The following SCYL2 variants were observed in gnomAD, a reference collection of about 807,000 sequenced individuals.
The protein encoded by SCYL2 is SCY1 like pseudokinase 2.
SCYL2 carries 36 observed loss-of-function variants against 100.4 expected under a neutral mutation model. The ratio of observed to expected loss-of-function variants is 0.36; its 90% CI spans 0.27 to 0.47. The LOEUF is 0.47. Ranked by LOEUF, SCYL2 falls within the 20% of genes least tolerant of loss-of-function variation. SCYL2 has a pLI of 1.00. For missense variants in SCYL2, 902 were observed against 1,083.9 expected (o/e 0.83, Z 2.36); for synonymous variants, 330 against 359.2 (o/e 0.92, Z 0.92).
At chr12:100,295,291 G>T (rs1254959736) in intron 3 of SCYL2, among the ~76,000 whole-genome samples, 2 of 152,014 alleles carry the variant, frequency 1.3e-5, no homozygotes, top group Non-Finnish European at 2.9e-5. Flanking sequence ...CTTCCCAGAC[G>T]GGGTGGCGGC....
rs771047904 is a variant in SCYL2 at position 100,312,580 on chromosome 12, T to A, written c.779T>A (p.Phe260Tyr). 1.2e-6 allele frequency: 2 copies of A among 1,612,998 alleles called. No individual in the cohort carries two copies. The highest frequency in any genetic ancestry group is 2.2e-5 in the South Asian group (2 of 91,020). ...YSLGTVMYAV[F>Y]NKGKPIFEVN... The stretch of plus-strand genomic sequence containing the variant: ...TTAGGAACTGTTATGTATGCTGTAT[T>A]TAATAAAGGGAAACCTATATTTGAA... The change falls in exon 6 of 18, where the codon TTT becomes TAT. Residue 260 changes from phenylalanine to tyrosine, a missense_variant. By Grantham distance (22) the Phe-to-Tyr change is conservative. Coordinates refer to ENST00000360820, the MANE Select transcript of SCYL2 (RefSeq NM_017988.6).
intron 2 of SCYL2, among the ~76,000 whole-genome samples, chr12:100,289,956 A>T (rs1408371798): frequency 6.6e-6 from 1 of 152,180 alleles, no homozygotes; most frequent in Non-Finnish European, 1.5e-5. Context: ...CATTGATCAT[A>T]TGTATGTGTC....
intron 8 of SCYL2, among the ~76,000 whole-genome samples, chr12:100,315,085 A>T (rs2096346818): frequency 6.6e-6 from 1 of 152,240 alleles, no homozygotes; most frequent in Admixed American, 6.5e-5. Flanking sequence ...TCTATCAGAT[A>T]TTCGTTAGTT....
intron 17 of SCYL2, among the ~76,000 whole-genome samples, 162 bp from the exon 18 acceptor site, chr12:100,338,366 G>T (rs1302452765): frequency 6.6e-6 from 1 of 152,104 alleles, no homozygotes; most frequent in Non-Finnish European, 1.5e-5. Context: ...ATAAAAATAG[G>T]TGGCAGGCTG....
intron 8 of SCYL2, 141 bp from the exon 9 acceptor site, chr12:100,315,417 C>T: frequency 1.6e-6 from 1 of 630,252 alleles, no homozygotes. Context: ...CCACTTTACT[C>T]TGAAAATATA....
rs1351313062 is a variant in SCYL2, at chr12:100,340,123, C to T, written c.*951C>T. Reference sequence around the variant, plus strand: ...GCTGTATTGTTTCAAATGTAATAAACTTTACTTCTGTAAAAATTGAGCAGT... The same window carrying T: ...GCTGTATTGTTTCAAATGTAATAAATTTTACTTCTGTAAAAATTGAGCAGT... On this transcript the variant is annotated 3_prime_UTR_variant, in exon 18 of 18. Transcript: ENST00000360820. 6.6e-6 allele frequency: 1 copy of T among 152,534 alleles called. No homozygotes were observed. The highest frequency in any genetic ancestry group is 1.9e-4 in the East Asian group (1 of 5,194). 9.4% of individuals were successfully genotyped at this position (152,534 alleles called of 1,614,324 possible).
intron 16 of SCYL2, among the ~76,000 whole-genome samples, chr12:100,336,372 C>T (rs1267267324): frequency 2.6e-5 from 4 of 152,166 alleles, no homozygotes; most frequent in African/African-American, 9.6e-5. Flanking sequence ...TTGAGCCTAG[C>T]AACCTCATCT....
intron 16 of SCYL2, among the ~76,000 whole-genome samples, chr12:100,336,883 T>G (rs533737375): frequency 2.6e-5 from 4 of 152,300 alleles, no homozygotes; most frequent in African/African-American, 9.6e-5. Flanking sequence ...AAGGGACTAC[T>G]GGACATAGTA....
chr12:100,286,036 TTAGG>T (rs1183956184), intron 2 of SCYL2, among the ~76,000 whole-genome samples: 1 of 152,160 alleles, frequency 6.6e-6, no homozygotes, highest in African/African-American at 2.4e-5. Context: ...CTGTTATCTG[TTAGG>T]TAGGAATATT....
Position 100,312,672 on chromosome 12 carries a change from T to C in SCYL2, c.852+19T>C. 6.4e-7 allele frequency: 1 copy of C among 1,555,648 alleles called. No individual in the cohort carries two copies. The highest frequency in any genetic ancestry group is 8.7e-7 in the Non-Finnish European group (1 of 1,143,680). On this transcript the variant is annotated intron_variant, in intron 6 of 17. Transcript: ENST00000360820. ...GGATCAGGTATTTGCCTATAAATAATTTGCTTGCATTAAAAAATTTATTAA... is the reference window on the plus strand; with the variant it reads ...GGATCAGGTATTTGCCTATAAATAACTTGCTTGCATTAAAAAATTTATTAA...
chr12:100,335,515 G>A (rs1390191022), intron 14 of SCYL2, 110 bp from the exon 15 acceptor site: 1 of 726,838 alleles, frequency 1.4e-6, no homozygotes, highest in Non-Finnish European at 2.3e-6. Context: ...TCTTCTTAAA[G>A]AGTTTAATTG....
intron 17 of SCYL2, 67 bp from the exon 18 acceptor site, chr12:100,338,460 CA>C: frequency 2.3e-6 from 3 of 1,294,030 alleles, no homozygotes; most frequent in Middle Eastern, 2.5e-4. Context: ...TTTAATCTGT[CA>C]AATGTTTACT....
intron 4 of SCYL2, among the ~76,000 whole-genome samples, chr12:100,305,887 A>C (rs2096333801): frequency 6.6e-6 from 1 of 152,194 alleles, no homozygotes; most frequent in African/African-American, 2.4e-5. Flanking sequence ...CTTCTATGCA[A>C]ATAAACTCGA....
chr12:100,270,847 T>G (rs778758113), intron 1 of SCYL2, among the ~76,000 whole-genome samples: 1 of 152,074 alleles, frequency 6.6e-6, no homozygotes, highest in Non-Finnish European at 1.5e-5. Context: ...CTGAATGTTT[T>G]ACTTCTTGTT....
At chr12:100,307,282 A>C (rs1293058954) in intron 4 of SCYL2, among the ~76,000 whole-genome samples, 1 of 152,114 alleles carries the variant, frequency 6.6e-6, no homozygotes, top group South Asian at 2.1e-4. Context: ...CATGGTACTG[A>C]TACCAAAACA....
rs2096358721 is a variant in SCYL2, at chr12:100,323,646, A to T, written c.1509+8A>T. ...CAAACATCTTCCCTTGCGGTAAGTA[A>T]TTGCATATTAATTTTTGTTTTTCTT... On this transcript the variant is annotated splice_region_variant and intron_variant, in intron 11 of 17. Transcript: ENST00000360820. 6.9e-7 allele frequency: 1 copy of T among 1,444,620 alleles called. No homozygotes were observed. Among genetic ancestry groups the T allele is most frequent in the Non-Finnish European group, 9.6e-7 (1 of 1,045,664 alleles). The allele number at this position is 1,444,620 out of a possible 1,614,324, so 89.5% of individuals were successfully genotyped here. A position where few individuals can be genotyped will look rare whatever the true frequency, so the allele number is the denominator to read the frequency against.
rs1387221109 is a variant in SCYL2, at chr12:100,298,112, T to C, written c.417T>C (p.Pro139=). Reference sequence around the variant, plus strand: ...GTAACTGGGAAAATCTACCTTCCCCTATATCTCCAGACATTAAGGATTATA... The same window carrying C: ...GTAACTGGGAAAATCTACCTTCCCCCATATCTCCAGACATTAAGGATTATA... The part of the protein sequence containing the change: ...VLGNWENLPS[P]ISPDIKDYKL... The change falls in exon 4 of 18, where the codon CCT becomes CCC. Residue 139 remains proline, a synonymous_variant. Coordinates refer to ENST00000360820, the MANE Select transcript of SCYL2 (RefSeq NM_017988.6). 1.9e-6 allele frequency: 3 copies of C among 1,607,332 alleles called. No individual in the cohort carries two copies. The South Asian group carries it at 3.3e-5, about 18-fold the overall frequency.
chr12:100,337,630 T>C (rs954572386), intron 17 of SCYL2, 124 bp downstream of exon 17: 6 of 955,702 alleles, frequency 6.3e-6, no homozygotes, highest in Admixed American at 2.3e-5. Flanking sequence ...ATATGTGGTT[T>C]CTAAGAAGTA....
intron 2 of SCYL2, among the ~76,000 whole-genome samples, chr12:100,285,951 A>G (rs1256117249): frequency 2.6e-5 from 4 of 152,180 alleles, no homozygotes; most frequent in Admixed American, 6.5e-5. Context: ...GCCAAGCTAT[A>G]TATATAATAA....
Sources: gnomAD v4.1 joint callset for allele counts (sites outside exome capture counted in the v4.1 genomes callset) on GRCh38, gnomAD v4.1.1 for gene constraint, MANE v1.5 for transcripts, NCBI Gene and HGNC (gene_info 2026-07-23, HGNC 2026-07-21) for gene names.